The following USP32 variants were observed in gnomAD, a reference collection of about 807,000 sequenced individuals.
The protein encoded by USP32 is ubiquitin carboxyl-terminal hydrolase 32.
USP32 carries 59 observed loss-of-function variants against 204.8 expected under a neutral mutation model. The observed-to-expected ratio is 0.29, with a 90% confidence interval of 0.23 to 0.36. The LOEUF (loss-of-function observed/expected upper bound fraction) is 0.36. USP32 is among the 10% of genes least tolerant of loss of function. USP32 has a pLI of 1.00. For missense variants in USP32, 1,160 were observed against 1,946.4 expected (o/e 0.60, Z 7.60); for synonymous variants, 517 against 678.4 (o/e 0.76, Z 3.70).
At chr17:60,306,861 A>G (rs560064942) in intron 2 of USP32, among the ~76,000 whole-genome samples, 24 of 152,310 alleles carry the variant, frequency 1.6e-4, no homozygotes, top group African/African-American at 5.5e-4. Context: ...AAATACAAAA[A>G]TCAATACAAT....
chr17:60,270,774 G>C (rs1044001893), intron 6 of USP32, among the ~76,000 whole-genome samples: 87 of 148,576 alleles, frequency 5.9e-4, no homozygotes, highest in African/African-American at 2.1e-3. Flanking sequence ...AGTGAGCCGA[G>C]ATGGCGCCAC....
At chr17:60,342,407 T>G (rs2088681388) in intron 2 of USP32, among the ~76,000 whole-genome samples, 2 of 152,240 alleles carry the variant, frequency 1.3e-5, no homozygotes, top group Non-Finnish European at 2.9e-5. Flanking sequence ...GGAGACAGTC[T>G]GTCCGTTCTC....
intron 2 of USP32, among the ~76,000 whole-genome samples, chr17:60,307,427 A>G (rs948878813): frequency 2.0e-5 from 3 of 152,106 alleles, no homozygotes; most frequent in Non-Finnish European, 4.4e-5. Context: ...AAATGACAAT[A>G]CTATCCACAG....
intron 1 of USP32, chr17:60,422,054 C>A: frequency 1.4e-6 from 1 of 701,634 alleles, no homozygotes; most frequent in Non-Finnish European, 1.7e-6. Flanking sequence ...TTATTATTAA[C>A]AACTTCCTGG....
chr17:60,287,556 T>C (rs1248098271), intron 5 of USP32, among the ~76,000 whole-genome samples: 3 of 152,022 alleles, frequency 2.0e-5, no homozygotes, highest in East Asian at 3.9e-4. Context: ...GGTGTAGATA[T>C]GTGATTTTTA....
chr17:60,247,779 G>A (rs150821486), intron 11 of USP32, among the ~76,000 whole-genome samples: 3 of 151,642 alleles, frequency 2.0e-5, no homozygotes, highest in Non-Finnish European at 4.4e-5. Flanking sequence ...CACCTCCCCA[G>A]TTCAAGCGAT....
At chr17:60,255,328 C>CAAAAAA in intron 9 of USP32, 70 bp from the exon 10 acceptor site, 1 of 1,244,578 alleles carries the variant, frequency 8.0e-7, no homozygotes, top group Non-Finnish European at 1.1e-6. Context: ...GACGGAGTCT[C>CAAAAAA]ATACTGTTGC....
chr17:60,271,728 G>A (rs2086728586), intron 5 of USP32, among the ~76,000 whole-genome samples: 1 of 151,724 alleles, frequency 6.6e-6, no homozygotes, highest in Non-Finnish European at 1.5e-5. Flanking sequence ...TAAGTAGGCT[G>A]TTAAATCCAA....
intron 4 of USP32, among the ~76,000 whole-genome samples, chr17:60,291,559 G>A (rs184241732): frequency 6.6e-6 from 1 of 151,272 alleles, no homozygotes; most frequent in Non-Finnish European, 1.5e-5. Flanking sequence ...GTGTGTGTGT[G>A]TGTGTGTGTG....
In USP32 at chr17:60,288,687, A is replaced by G; in HGVS notation, c.412-5T>C. ...TTCATAGTTTACCTTTTCACCCTAAAATTAAAACAAGAAAACATAAGTTTA... is the reference window on the plus strand; with the variant it reads ...TTCATAGTTTACCTTTTCACCCTAAGATTAAAACAAGAAAACATAAGTTTA... On this transcript the variant is annotated splice_region_variant and splice_polypyrimidine_tract_variant and intron_variant, in intron 4 of 33. Transcript: ENST00000300896. 6.3e-7 allele frequency: 1 copy of G among 1,594,400 alleles called. No individual in the cohort carries two copies. Among genetic ancestry groups the G allele is most frequent in the South Asian group, 1.1e-5 (1 of 88,450 alleles).
intron 11 of USP32, among the ~76,000 whole-genome samples, chr17:60,244,035 T>G (rs2085947769): frequency 1.5e-5 from 2 of 134,808 alleles, no homozygotes; most frequent in Admixed American, 1.4e-4. Context: ...TTGTGTTTTT[T>G]TTTTTTTTTT....
chr17:60,212,557 A>C (rs2084998225), intron 18 of USP32, among the ~76,000 whole-genome samples: 1 of 151,704 alleles, frequency 6.6e-6, no homozygotes, highest in South Asian at 2.1e-4. Context: ...TGGCTCTAAA[A>C]CCATTCCTAC....
intron 9 of USP32, chr17:60,256,762 C>G: frequency 8.4e-7 from 1 of 1,186,892 alleles, no homozygotes; most frequent in South Asian, 1.8e-5. Context: ...TGCCAATCTC[C>G]CAAATCAAGT....
At chr17:60,259,223 G>A (rs750890980) in intron 9 of USP32, among the ~76,000 whole-genome samples, 2 of 152,100 alleles carry the variant, frequency 1.3e-5, no homozygotes, top group Non-Finnish European at 2.9e-5. Flanking sequence ...ACACTGAGAA[G>A]ATAAAGACCA....
chr17:60,227,930 T>C (rs1567784343), intron 12 of USP32, among the ~76,000 whole-genome samples: 1 of 152,102 alleles, frequency 6.6e-6, no homozygotes, highest in South Asian at 2.1e-4. Context: ...ATGGTGACCA[T>C]AGTTTAAAAA....
intron 1 of USP32, among the ~76,000 whole-genome samples, chr17:60,349,180 A>G (rs915280628): frequency 2.7e-5 from 4 of 150,746 alleles, no homozygotes; most frequent in Non-Finnish European, 4.4e-5. Flanking sequence ...CTAATATATT[A>G]ATTATATATT....
chr17:60,240,868 C>T (rs962234186), intron 11 of USP32, among the ~76,000 whole-genome samples: 3 of 152,126 alleles, frequency 2.0e-5, no homozygotes, highest in East Asian at 3.8e-4. Flanking sequence ...GGCTCGTTTG[C>T]CTTACAGAAC....
chr17:60,401,898 C>T (rs2089938450), intron 1 of USP32, among the ~76,000 whole-genome samples: 2 of 152,002 alleles, frequency 1.3e-5, no homozygotes, highest in Admixed American at 6.6e-5. Flanking sequence ...AAAGTTGTTC[C>T]CAGAAAACCC....
chr17:60,367,446 C>G (rs2089339973), intron 1 of USP32, among the ~76,000 whole-genome samples: 1 of 152,072 alleles, frequency 6.6e-6, no homozygotes, highest in South Asian at 2.1e-4. Context: ...GAGGCTGAGG[C>G]TGCAGTGAGT....
Sources: gnomAD v4.1 joint callset for allele counts (sites outside exome capture counted in the v4.1 genomes callset) on GRCh38, gnomAD v4.1.1 for gene constraint, MANE v1.5 for transcripts, NCBI Gene and HGNC (gene_info 2026-07-23, HGNC 2026-07-21) for gene names.